Variants in SLC9B2 observed in about 807,000 individuals in gnomAD.
SLC9B2 encodes the protein solute carrier family 9 member B2, also known as sodium/hydrogen exchanger 9B2.
A neutral mutation model predicts 52.2 loss-of-function variants in SLC9B2; 39 were observed. The observed-to-expected ratio is 0.75, with a 90% CI of 0.58 to 0.98. The LOEUF is 0.98. Ranked by LOEUF, SLC9B2 falls within the 50% of genes least tolerant of loss-of-function variation. The probability of loss-of-function intolerance (pLI) is 0.00; values close to 1 mark genes in which losing one functional copy is unlikely to be tolerated. For synonymous variants in SLC9B2, 214 were observed against 227.0 expected, an observed-to-expected ratio of 0.94 and a Z score of 0.51; for missense variants, 626 against 637.5, an observed-to-expected ratio of 0.98 and a Z score of 0.19.
chr4:103,020,357 T>C (rs757965050), downstream of SLC9B2: 66 of 447,948 alleles, frequency 1.5e-4, no homozygotes, highest in Non-Finnish European at 2.9e-4. Flanking sequence ...GGCCTTTCAG[T>C]CCCAAAGTTT....
chr4:103,033,953 CATT>C (rs1742927085), intron 9 of SLC9B2, among the ~76,000 whole-genome samples: 1 of 151,978 alleles, frequency 6.6e-6, no homozygotes, highest in South Asian at 2.1e-4. Flanking sequence ...TTAGAAAAAA[CATT>C]ATAAAATTCA....
In SLC9B2 at chr4:103,057,832, T is replaced by C; in HGVS notation, c.411A>G (p.Leu137=). ...GAGAAGGCAGTGGAGGCAATGTAGG[T>C]AACTTAATAAGCCCCAAAAGTTTAC... ...IGGKLLGLIK[L]PTLPPLPSLL... The change falls in exon 4 of 12, where the codon TTA becomes TTG. Residue 137 remains leucine (L), a synonymous_variant. Transcript: ENST00000394785. 6.2e-7 allele frequency: 1 copy of C among 1,613,914 alleles called. No individual in the cohort carries two copies. The highest frequency in any genetic ancestry group is 1.3e-5 in the African/African-American group (1 of 75,014).
At chr4:103,044,117 A>C (rs544543589) in intron 8 of SLC9B2, among the ~76,000 whole-genome samples, 1 of 152,336 alleles carries the variant, frequency 6.6e-6, no homozygotes, top group African/African-American at 2.4e-5. Context: ...TGGCAAAGGC[A>C]TGCAAGCTCT....
intron 11 of SLC9B2, among the ~76,000 whole-genome samples, chr4:103,027,583 A>C (rs950928842): frequency 6.6e-6 from 1 of 152,172 alleles, no homozygotes; most frequent in African/African-American, 2.4e-5. Flanking sequence ...TAATCTGGTT[A>C]TCCCTTATTC....
chr4:103,031,239 A>AGT (rs1742672507), intron 10 of SLC9B2, among the ~76,000 whole-genome samples: 1 of 152,206 alleles, frequency 6.6e-6, no homozygotes, highest in Non-Finnish European at 1.5e-5. Flanking sequence ...GTTTTGAATC[A>AGT]ACAGAGTTTT....
chr4:103,047,868 A>G (rs1484913696), intron 6 of SLC9B2, among the ~76,000 whole-genome samples: 1 of 152,190 alleles, frequency 6.6e-6, no homozygotes, highest in South Asian at 2.1e-4. Flanking sequence ...CTTCTACAGA[A>G]CACTGTTTTT....
At chr4:103,020,874 C>T (rs78743016), downstream of SLC9B2, among the ~76,000 whole-genome samples, 282 of 152,206 alleles carry the variant, frequency 1.9e-3, no homozygotes, top group African/African-American at 6.6e-3. Flanking sequence ...GTGATCTGCC[C>T]GTCTTGGCTT....
intron 1 of SLC9B2, among the ~76,000 whole-genome samples, chr4:103,072,643 C>T (rs1185694158): frequency 6.6e-6 from 1 of 152,068 alleles, no homozygotes; most frequent in Non-Finnish European, 1.5e-5. Flanking sequence ...TACAAATGTC[C>T]GTAGGCTCTC....
At position 103,057,927 on chromosome 4, in the gene SLC9B2, C is replaced by T. The variant is rs1745297505; in HGVS notation, c.316G>A (p.Gly106Ser). 1 of 1,613,758 alleles carries T rather than the reference C, an allele frequency of 6.2e-7. No homozygotes were observed. Among genetic ancestry groups the T allele is most frequent in the African/African-American group, 1.3e-5 (1 of 74,986 alleles). The change falls in exon 4 of 12, where the codon GGC becomes AGC. Residue 106 changes from glycine to serine, a missense_variant. By Grantham distance (56) the Gly-to-Ser change is moderately conservative. Coordinates refer to ENST00000394785, the MANE Select transcript of SLC9B2 (RefSeq NM_178833.7). ...TTTCCTCCAGGAAGACATTCACTGC[C>T]AGTAATTGACCAAACTACAGCCCAC... ...LLWAVVWSITGSECLPGGNLF... is the reference protein window; with the variant it reads ...LLWAVVWSITSSECLPGGNLF...
chr4:103,034,688 A>G (rs770129514), intron 9 of SLC9B2, among the ~76,000 whole-genome samples: 1 of 152,204 alleles, frequency 6.6e-6, no homozygotes, highest in South Asian at 2.1e-4. Context: ...TGTAGCCAAC[A>G]AGCATATAAA....
chr4:103,038,660 A>C (rs960149670), intron 9 of SLC9B2, among the ~76,000 whole-genome samples: 6 of 152,192 alleles, frequency 3.9e-5, no homozygotes, highest in African/African-American at 1.2e-4. Flanking sequence ...ACTTTGGAGG[A>C]CCAACAAAGG....
rs1331576304 is a variant in SLC9B2 at position 103,026,269 on chromosome 4, T to C, written c.*101A>G. 6 of 1,103,410 alleles carry C rather than the reference T, an allele frequency of 5.4e-6. No individual in the cohort carries two copies. The highest frequency in any genetic ancestry group is 3.3e-5 in the South Asian group (2 of 60,044). The allele number at this position is 1,103,410 out of a possible 1,614,324, so 68.4% of individuals were successfully genotyped here. ...TTTAAAGAAACAGCTACACTTTTGGTTCTATTACATTTTAAGCTTAAACAT... is the reference window on the plus strand; with the variant it reads ...TTTAAAGAAACAGCTACACTTTTGGCTCTATTACATTTTAAGCTTAAACAT... On this transcript the variant is annotated 3_prime_UTR_variant, in exon 12 of 12. Coordinates refer to ENST00000394785, the MANE Select transcript of SLC9B2 (RefSeq NM_178833.7).
chr4:103,040,145 T>G (rs1743512407), intron 9 of SLC9B2, among the ~76,000 whole-genome samples: 1 of 152,198 alleles, frequency 6.6e-6, no homozygotes, highest in Admixed American at 6.5e-5. Flanking sequence ...AAAACTATTA[T>G]AGGAGACTGA....
rs556985551 is a variant in SLC9B2 at position 103,023,324 on chromosome 4, G to T, written c.*3046C>A. Among the ~76,000 whole-genome samples, 1 of 152,344 alleles carries T rather than the reference G, an allele frequency of 6.6e-6. No individual in the cohort carries two copies. The highest frequency in any genetic ancestry group is 1.5e-5 in the Non-Finnish European group (1 of 68,022). On this transcript the variant is annotated 3_prime_UTR_variant, in exon 12 of 12. Transcript: ENST00000394785. ...AAACATGTAAATAAAGTGAAAAAAA[G>T]TGTTACATGTGCTCTGACATAAGTA...
rs779979130 is a variant in SLC9B2 at position 103,072,056 on chromosome 4, G to GTTTTTTTT, written c.-43+4120_-43+4127dup. On this transcript the variant is annotated intron_variant, in intron 1 of 11. Transcript: ENST00000394785. Reference sequence around the variant, plus strand: ...CAAAATTTTCAAGTTTGGCTTTCATGTTTTTTTTTTTTTTTTTTTTGAGGT... The same window carrying GTTTTTTTT: ...CAAAATTTTCAAGTTTGGCTTTCATGTTTTTTTTTTTTTTTTTTTTTTTTTTTTGAGGT... 7.8e-3 allele frequency among the ~76,000 whole-genome samples: 747 copies of GTTTTTTTT among 95,228 alleles called. 99 individuals are homozygous for GTTTTTTTT. The highest frequency in any genetic ancestry group is 0.03 in the African/African-American group (655 of 21,750). 62.5% of individuals were successfully genotyped at this position (95,228 alleles called of 152,430 possible).
At position 103,022,480 on chromosome 4, in the gene SLC9B2, A is replaced by T. The variant is rs1344924556; in HGVS notation, c.*3890T>A. Among the ~76,000 whole-genome samples, 1 of 152,244 alleles carries T rather than the reference A, an allele frequency of 6.6e-6. No homozygotes were observed. Among genetic ancestry groups the T allele is most frequent in the Non-Finnish European group, 1.5e-5 (1 of 68,038 alleles). On this transcript the variant is annotated 3_prime_UTR_variant, in exon 12 of 12. Transcript: ENST00000394785. ...TGCAGTACAATTTTAAAGAAAAATAAAATACATGTTTATATTAGTTTCAGT... is the reference window on the plus strand; with the variant it reads ...TGCAGTACAATTTTAAAGAAAAATATAATACATGTTTATATTAGTTTCAGT...
chr4:103,034,766 A>G (rs928160286), intron 9 of SLC9B2, among the ~76,000 whole-genome samples: 3 of 152,208 alleles, frequency 2.0e-5, no homozygotes, highest in Non-Finnish European at 2.9e-5. Flanking sequence ...ATCTCACATC[A>G]GTCAGGATGG....
rs1741917261 is a variant in SLC9B2 at position 103,023,117 on chromosome 4, G to A, written c.*3253C>T. Among the ~76,000 whole-genome samples, 1 of 152,220 alleles carries A rather than the reference G, an allele frequency of 6.6e-6. No individual in the cohort carries two copies. Among genetic ancestry groups the A allele is most frequent in the Non-Finnish European group, 1.5e-5 (1 of 68,034 alleles). ...GACTAAGATAGACTAAGTGGACTAA[G>A]ATCCGAACTGTCGTGTGGCAAGTAG... On this transcript the variant is annotated 3_prime_UTR_variant, in exon 12 of 12. Transcript: ENST00000394785.
At chr4:103,041,333 T>C (rs1390938953) in intron 9 of SLC9B2, among the ~76,000 whole-genome samples, 4 of 152,206 alleles carry the variant, frequency 2.6e-5, no homozygotes, top group Non-Finnish European at 5.9e-5. Context: ...TTAATAGTTA[T>C]CTTTCTGGTT....
Sources: gnomAD v4.1 joint callset for allele counts (sites outside exome capture counted in the v4.1 genomes callset) on GRCh38, gnomAD v4.1.1 for gene constraint, MANE v1.5 for transcripts, NCBI Gene and HGNC (gene_info 2026-07-23, HGNC 2026-07-21) for gene names.